CPEB2: variants seen among roughly 807,000 people sequenced by gnomAD.
The protein encoded by CPEB2 is cytoplasmic polyadenylation element binding protein 2.
CPEB2 carries 56 observed loss-of-function variants against 93.6 expected under a neutral mutation model. The observed-to-expected ratio is 0.60, with a 90% confidence interval of 0.48 to 0.75. The LOEUF (loss-of-function observed/expected upper bound fraction) is 0.75. CPEB2 is among the 30% of genes least tolerant of loss of function. CPEB2 has a pLI of 0.00. For missense variants in CPEB2, 1,579 were observed against 1,395.1 expected, an observed-to-expected ratio of 1.13 and a Z score of -2.10; for synonymous variants, 764 against 586.3, an observed-to-expected ratio of 1.30 and a Z score of -4.38.
chr4:15,053,584 A>G lies in CPEB2; in HGVS notation c.2372-544A>G, dbSNP rs534257091. On this transcript the variant is annotated intron_variant, in intron 7 of 11. Coordinates refer to ENST00000538197, the MANE Select transcript of CPEB2 (RefSeq NM_001177382.2). ...GATATCCACAAACTTAATTCTAAGT[A>G]TTGATCTTCATAAGCTTTCTATGTA... 5.9e-5 allele frequency among the ~76,000 whole-genome samples: 9 copies of G among 152,328 alleles called. No homozygotes were observed. The South Asian group carries it at 1.9e-3, about 32-fold the overall frequency.
chr4:15,043,747 G>A (rs1727403940), intron 6 of CPEB2, among the ~76,000 whole-genome samples: 1 of 151,928 alleles, frequency 6.6e-6, no homozygotes, highest in Admixed American at 6.6e-5. Flanking sequence ...TTAGTTAATG[G>A]TTCTAAGACC....
intron 5 of CPEB2, among the ~76,000 whole-genome samples, chr4:15,035,940 TACAATTGTTGGGCCG>T (rs1207596501): frequency 2.6e-5 from 4 of 152,226 alleles, no homozygotes; most frequent in Non-Finnish European, 5.9e-5. Flanking sequence ...AACATACTGT[TACAATTGTTGGGCCG>T]ATATGGCAAA....
At position 15,008,382 on chromosome 4, in the gene CPEB2, C is replaced by G; in HGVS notation, c.1989C>G (p.Leu663=). 1 of 1,613,800 alleles carries G rather than the reference C, an allele frequency of 6.2e-7. No homozygotes were observed. The highest frequency in any genetic ancestry group is 8.5e-7 in the Non-Finnish European group (1 of 1,179,872). Residue 663 remains leucine, a synonymous_variant, in exon 3 of 12, where the codon CTC becomes CTG. Coordinates refer to ENST00000538197, the MANE Select transcript of CPEB2 (RefSeq NM_001177382.2). ...LQLPAWGSDS[L]QDSWCTAAGT... is the part of the protein sequence containing the mutation. Reference sequence around the variant, plus strand: ...TGCCAGCTTGGGGCTCAGATTCACTCCAAGATAGTTGGTGCACTGCAGCCG... The same window carrying G: ...TGCCAGCTTGGGGCTCAGATTCACTGCAAGATAGTTGGTGCACTGCAGCCG...
chr4:15,051,930 C>T (rs767465072), intron 6 of CPEB2, among the ~76,000 whole-genome samples: 22 of 152,180 alleles, frequency 1.4e-4, no homozygotes, highest in African/African-American at 2.7e-4. Flanking sequence ...AATTGGCACA[C>T]GTGTAATAAA....
intron 4 of CPEB2, chr4:15,017,894 T>C (rs2108990267): frequency 6.6e-6 from 1 of 151,896 alleles, no homozygotes; most frequent in South Asian, 2.1e-4. Flanking sequence ...GTGTATAAAA[T>C]GAAAAAAAGC....
At position 15,017,311 on chromosome 4, in the gene CPEB2, A is replaced by G. The variant is rs752387142; in HGVS notation, c.2125+33A>G. ...ACTTTTTAAAAAAATATATGTTTAT[A>G]TTATACACCAATTTGCTTATCTTAC... On this transcript the variant is annotated intron_variant, in intron 4 of 11. Transcript: ENST00000538197. The G allele has an allele frequency of 1.8e-5, 20 of 1,111,530 alleles. No individual in the cohort carries two copies. The East Asian group carries it at 3.4e-4, about 19-fold the overall frequency. The allele number at this position is 1,111,530 out of a possible 1,614,324, so 68.9% of individuals were successfully genotyped here. A position where few individuals can be genotyped will look rare whatever the true frequency, so the allele number is the denominator to read the frequency against.
chr4:15,003,158 C>G lies in CPEB2; in HGVS notation c.485C>G (p.Ser162Cys), dbSNP rs774732907. The G allele has an allele frequency of 6.5e-7, 1 of 1,534,528 alleles. No individual in the cohort carries two copies. Among genetic ancestry groups the G allele is most frequent in the South Asian group, 1.2e-5 (1 of 83,998 alleles). The change falls in exon 1 of 12, where the codon TCC becomes TGC. Residue 162 changes from serine to cysteine, a missense_variant. By Grantham distance (112) the Ser-to-Cys change is moderately radical. This residue lies in a region of CPEB2 where 1,411 missense variants were observed against 1,056.0 expected (regional missense o/e 1.34). Coordinates refer to ENST00000538197, the MANE Select transcript of CPEB2 (RefSeq NM_001177382.2). ...TCCTGCTGCTGCTGCCGCACCTCCT[C>G]CCCGCAGGACTTCAGTAAGCGGCAG... is the stretch of plus-strand genomic sequence containing the variant. ...ASSCCCCRTS[S>C]PQDFSKRQQQ...
intron 6 of CPEB2, among the ~76,000 whole-genome samples, chr4:15,049,094 C>T (rs112723580): frequency 0.032 from 4,862 of 151,488 alleles, 249 homozygotes; most frequent in African/African-American, 0.11. Flanking sequence ...TTAAACTTTT[C>T]GTTACATTCT....
intron 6 of CPEB2, among the ~76,000 whole-genome samples, chr4:15,043,030 A>G (rs140672288): frequency 1.5e-3 from 222 of 152,318 alleles, no homozygotes; most frequent in African/African-American, 5.1e-3. Flanking sequence ...CTCTTCTACC[A>G]GTGCAATAAT....
At chr4:15,029,239 C>T (rs1725826620) in intron 4 of CPEB2, among the ~76,000 whole-genome samples, 1 of 151,680 alleles carries the variant, frequency 6.6e-6, no homozygotes, top group African/African-American at 2.4e-5. Context: ...TTTTTTTTTC[C>T]TGAGTATTTT....
chr4:15,015,340 C>T (rs922877621), intron 3 of CPEB2, among the ~76,000 whole-genome samples: 3 of 152,010 alleles, frequency 2.0e-5, no homozygotes, highest in African/African-American at 7.2e-5. Context: ...GTTATTGATG[C>T]ATGTGTTTTA....
At chr4:15,038,607 G>A (rs1381301336) in intron 5 of CPEB2, among the ~76,000 whole-genome samples, 1 of 97,186 alleles carries the variant, frequency 1.0e-5, no homozygotes, top group Non-Finnish European at 2.1e-5. Flanking sequence ...TTTTTTCTTT[G>A]AGACGGAGTC....
intron 3 of CPEB2, among the ~76,000 whole-genome samples, 174 bp from the exon 4 acceptor site, chr4:15,017,009 CCAATG>C (rs1724228462): frequency 6.6e-6 from 1 of 151,880 alleles, no homozygotes. Context: ...ATAATGTCCT[CCAATG>C]CAAGGAACAT....
chr4:15,002,570 GACTCCCCCT>G lies in CPEB2; in HGVS notation c.-103_-95del. 1.1e-6 allele frequency: 1 copy of G among 932,620 alleles called. No homozygotes were observed. The highest frequency in any genetic ancestry group is 1.8e-5 in the South Asian group (1 of 55,076). 57.8% of individuals were successfully genotyped at this position (932,620 alleles called of 1,614,324 possible). ...TCAGTCACGGTGTCCCTCTCTCACT[GACTCCCCCT>G]CCTTCCACCACGGCCGCGCAACCCC... is the stretch of plus-strand genomic sequence containing the variant. On this transcript the variant is annotated 5_prime_UTR_variant, in exon 1 of 12. Transcript: ENST00000538197.
rs1419157239 is a variant in CPEB2 at position 15,066,664 on chromosome 4, T to A, written c.*284T>A. The A allele has an allele frequency of 5.0e-6, 2 of 398,270 alleles. No homozygotes were observed. Among genetic ancestry groups the A allele is most frequent in the African/African-American group, 4.1e-5 (2 of 49,048 alleles). The allele number at this position is 398,270 out of a possible 1,614,324, so 24.7% of individuals were successfully genotyped here. A position where few individuals can be genotyped will look rare whatever the true frequency, so the allele number is the denominator to read the frequency against. On this transcript the variant is annotated 3_prime_UTR_variant, in exon 12 of 12. Transcript: ENST00000538197. ...TTATATGTAAAGTTAAAATTAGATA[T>A]GAGAATGTTTTGCGTAGGGGCAACA...
chr4:15,055,151 T>C (rs13137195), intron 8 of CPEB2, among the ~76,000 whole-genome samples: 3,810 of 152,296 alleles, frequency 0.025, 59 homozygotes, highest in South Asian at 0.044. Context: ...TTGAGAATTA[T>C]AGAACCTTCA....
intron 4 of CPEB2, among the ~76,000 whole-genome samples, chr4:15,027,534 T>C (rs1725622977): frequency 6.6e-6 from 1 of 152,208 alleles, no homozygotes; most frequent in Non-Finnish European, 1.5e-5. Context: ...TTATTCAAGG[T>C]TGGTAATGAC....
chr4:15,035,265 A>T (rs966773122), intron 5 of CPEB2, among the ~76,000 whole-genome samples: 1 of 151,956 alleles, frequency 6.6e-6, no homozygotes, highest in South Asian at 2.1e-4. Flanking sequence ...GCTAACATAG[A>T]TTCTGGAGCC....
intron 7 of CPEB2, among the ~76,000 whole-genome samples, chr4:15,053,882 A>G (rs912042347): frequency 1.3e-5 from 2 of 152,156 alleles, no homozygotes; most frequent in Non-Finnish European, 2.9e-5. Context: ...TAAAATTTTA[A>G]AATTCACATG....
Sources: gnomAD v4.1 joint callset for allele counts (sites outside exome capture counted in the v4.1 genomes callset) on GRCh38, gnomAD v4.1.1 for gene constraint, gnomAD v4.1.1 regional missense constraint, MANE v1.5 for transcripts, NCBI Gene and HGNC (gene_info 2026-07-23, HGNC 2026-07-21) for gene names.